The following PCNX1 variants were observed in gnomAD, a reference collection of about 807,000 sequenced individuals.
The protein encoded by PCNX1 is pecanex-like protein 1.
In PCNX1, 78 loss-of-function variants were observed where a neutral mutation model predicts 242.2. The observed-to-expected ratio is 0.32, with a 90% CI of 0.27 to 0.39. The LOEUF (loss-of-function observed/expected upper bound fraction) is 0.39, where lower values mean the gene tolerates loss of function less well. PCNX1 is among the 10% of genes least tolerant of loss of function. The pLI is 1.00. For missense variants in PCNX1, 2,581 were observed against 2,856.5 expected, an observed-to-expected ratio of 0.90 and a Z score of 2.20; for synonymous variants, 1,024 against 1,032.9, an observed-to-expected ratio of 0.99 and a Z score of 0.17.
At chr14:71,108,129 T>C (rs2062674730) in intron 33 of PCNX1, among the ~76,000 whole-genome samples, 1 of 152,222 alleles carries the variant, frequency 6.6e-6, no homozygotes, top group Non-Finnish European at 1.5e-5. Context: ...ACCACCATTC[T>C]ACTCTCTGCT....
At chr14:70,944,777 G>A (rs1164231810) in intron 1 of PCNX1, among the ~76,000 whole-genome samples, 3 of 152,090 alleles carry the variant, frequency 2.0e-5, no homozygotes, top group Non-Finnish European at 1.5e-5. Context: ...TGAATGATGG[G>A]GGCATTTCTG....
chr14:70,929,194 A>C (rs926362985), intron 1 of PCNX1, among the ~76,000 whole-genome samples: 2 of 151,552 alleles, frequency 1.3e-5, no homozygotes, highest in African/African-American at 4.8e-5. Context: ...AGTGATCTAA[A>C]GATGCTTTTG....
chr14:71,070,355 A>G (rs2061557915), intron 26 of PCNX1, among the ~76,000 whole-genome samples: 1 of 152,228 alleles, frequency 6.6e-6, no homozygotes, highest in African/African-American at 2.4e-5. Context: ...CCTTACTGGC[A>G]TCTAAAAGGG....
At chr14:71,055,317 ATTTT>A (rs1224464009) in intron 24 of PCNX1, among the ~76,000 whole-genome samples, 183 bp from the exon 25 acceptor site, 1 of 151,636 alleles carries the variant, frequency 6.6e-6, no homozygotes, top group East Asian at 1.9e-4. Flanking sequence ...AGGGGGAAGA[ATTTT>A]TTTTTAATTT....
chr14:70,953,365 T>G (rs2057863517), intron 2 of PCNX1, among the ~76,000 whole-genome samples: 1 of 152,136 alleles, frequency 6.6e-6, no homozygotes, highest in African/African-American at 2.4e-5. Context: ...GTTAAACATT[T>G]TATTTTTTTA....
At chr14:70,983,046 A>G (rs2140181417) in intron 6 of PCNX1, among the ~76,000 whole-genome samples, 1 of 152,310 alleles carries the variant, frequency 6.6e-6, no homozygotes, top group South Asian at 2.1e-4. Context: ...ATTTGTAAGG[A>G]TGTGTCCCCT....
chr14:71,113,185 C>A lies in PCNX1; in HGVS notation c.*3250C>A, dbSNP rs549734391. The A allele has an allele frequency of 1.3e-5, 2 of 152,292 alleles. No individual in the cohort carries two copies. Among genetic ancestry groups the A allele is most frequent in the Admixed American group, 1.3e-4 (2 of 15,300 alleles). The allele number at this position is 152,292 out of a possible 1,614,324, so 9.4% of individuals were successfully genotyped here. ...GATTACCTTTTAGGAAATTAGTGAA[C>A]AAACTTAACCAGTGTTCTGCCTTCT... is the stretch of plus-strand genomic sequence containing the variant. On this transcript the variant is annotated 3_prime_UTR_variant, in exon 36 of 36. Coordinates refer to ENST00000304743, the MANE Select transcript of PCNX1 (RefSeq NM_014982.3).
chr14:70,907,829 A>ACGGCGG lies in PCNX1; in HGVS notation c.-16_-11dup. ...GGGGACGGCGGCGGCGGCGGCGGCGACGGCGGCGGCGCCGGGTGGGGATGG... is the reference window on the plus strand; with the variant it reads ...GGGGACGGCGGCGGCGGCGGCGGCGACGGCGGCGGCGGCGGCGCCGGGTGGGGATGG... On this transcript the variant is annotated 5_prime_UTR_variant, in exon 1 of 36. Coordinates refer to ENST00000304743, the MANE Select transcript of PCNX1 (RefSeq NM_014982.3). The ACGGCGG allele has an allele frequency of 8.0e-7, 1 of 1,252,160 alleles. No individual in the cohort carries two copies. Among genetic ancestry groups the ACGGCGG allele is most frequent in the Non-Finnish European group, 1.0e-6 (1 of 997,590 alleles). 77.6% of individuals were successfully genotyped at this position (1,252,160 alleles called of 1,614,324 possible). A position where few individuals can be genotyped will look rare whatever the true frequency, so the allele number is the denominator to read the frequency against.
intron 31 of PCNX1, 83 bp downstream of exon 31, chr14:71,102,303 C>G: frequency 2.2e-6 from 2 of 908,828 alleles, no homozygotes; most frequent in Non-Finnish European, 3.5e-6. Context: ...GAGACAGAGT[C>G]TCACTTTGGG....
intron 6 of PCNX1, among the ~76,000 whole-genome samples, chr14:70,983,266 T>C (rs1462004177): frequency 6.6e-6 from 1 of 152,118 alleles, no homozygotes; most frequent in Non-Finnish European, 1.5e-5. Context: ...AAAATATCAG[T>C]AAGGATGTGC....
In PCNX1 at chr14:70,925,568, C is replaced by CTTT. The variant is rs71305848; in HGVS notation, c.153+17584_153+17586dup. Among the ~76,000 whole-genome samples the CTTT allele has an allele frequency of 6.3e-3, 670 of 106,740 alleles. 14 individuals carry two copies. Among genetic ancestry groups the CTTT allele is most frequent in the African/African-American group, 0.02 (541 of 26,992 alleles). The allele number at this position is 106,740 out of a possible 152,430, so 70.0% of individuals were successfully genotyped here. On this transcript the variant is annotated intron_variant, in intron 1 of 35. Transcript: ENST00000304743. ...GGCTCACAAATCTCACTTACCTCATCTTTTTTTTTTTTTTTTTTTTTCATG... is the reference window on the plus strand; with the variant it reads ...GGCTCACAAATCTCACTTACCTCATCTTTTTTTTTTTTTTTTTTTTTTTTCATG...
At chr14:70,949,463 C>T (rs901487312) in intron 2 of PCNX1, among the ~76,000 whole-genome samples, 1 of 151,166 alleles carries the variant, frequency 6.6e-6, no homozygotes, top group Admixed American at 6.6e-5. Context: ...TATACACATA[C>T]GCATGTGTAT....
At chr14:70,974,776 TAATAACAATTATTTTA>T (rs1295974027) in intron 5 of PCNX1, among the ~76,000 whole-genome samples, 1 of 152,236 alleles carries the variant, frequency 6.6e-6, no homozygotes, top group African/African-American at 2.4e-5. Flanking sequence ...TAAACGCCAC[TAATAACAATTATTTTA>T]AAAAAAGTTT....
chr14:70,926,771 C>A (rs1007715291), intron 1 of PCNX1, among the ~76,000 whole-genome samples: 1 of 152,084 alleles, frequency 6.6e-6, no homozygotes. Context: ...AAATCTTATT[C>A]TTTTTACATA....
rs1162798446 is a variant in PCNX1 at position 70,977,242 on chromosome 14, C to T, written c.905C>T (p.Pro302Leu). Reference protein sequence around the residue: ...AFPDTSLNDFPLYQQRRGLDP... With the variant: ...AFPDTSLNDFLLYQQRRGLDP... ...CCAGACACTTCACTGAATGATTTTC[C>T]CCTTTATCAGCAAAGACGTGGATTA... The change falls in exon 6 of 36, where the codon CCC (proline) becomes CTC (leucine). Residue 302 changes from proline (P) to leucine (L), a missense_variant. Coordinates refer to ENST00000304743, the MANE Select transcript of PCNX1 (RefSeq NM_014982.3). 1.2e-6 allele frequency: 2 copies of T among 1,614,062 alleles called. No individual in the cohort carries two copies. Among genetic ancestry groups the T allele is most frequent in the African/African-American group, 1.3e-5 (1 of 74,920 alleles).
chr14:70,911,971 C>T (rs1428605901), intron 1 of PCNX1, among the ~76,000 whole-genome samples: 19 of 152,044 alleles, frequency 1.2e-4, no homozygotes, highest in Admixed American at 1.1e-3. Flanking sequence ...TATGGCTGGG[C>T]GCGGTGGCTC....
chr14:71,032,056 CAAAG>C (rs760840537), intron 16 of PCNX1: 55 of 728,112 alleles, frequency 7.6e-5, no homozygotes, highest in Middle Eastern at 3.5e-4. Context: ...GATTAATAGA[CAAAG>C]AAGAAGAGAG....
At chr14:70,997,180 A>G (rs1036005452) in intron 8 of PCNX1, among the ~76,000 whole-genome samples, 8 of 152,166 alleles carry the variant, frequency 5.3e-5, no homozygotes, top group African/African-American at 9.6e-5. Context: ...GTTGTAAGCA[A>G]TACTTCTTCA....
intron 2 of PCNX1, among the ~76,000 whole-genome samples, chr14:70,947,417 A>G (rs1298282243): frequency 6.6e-6 from 1 of 152,214 alleles, no homozygotes; most frequent in African/African-American, 2.4e-5. Flanking sequence ...GCCATGGCAG[A>G]AGAACATAAA....
Sources: gnomAD v4.1 joint callset for allele counts (sites outside exome capture counted in the v4.1 genomes callset) on GRCh38, gnomAD v4.1.1 for gene constraint, MANE v1.5 for transcripts, NCBI Gene and HGNC (gene_info 2026-07-23, HGNC 2026-07-21) for gene names.